The following AKAP19 variants were observed in gnomAD, a reference collection of about 807,000 sequenced individuals.
AKAP19 encodes A-kinase anchoring protein 19.
the AKAP19 span, among the ~76,000 whole-genome samples, chr2:189,900,894 G>A: frequency 6.6e-6 from 1 of 152,172 alleles, no homozygotes; most frequent in South Asian, 2.1e-4. Context: ...TGTGCTTTGT[G>A]CTGGAGAAGG....
At chr2:190,193,255 T>C in the AKAP19 span, among the ~76,000 whole-genome samples, 1 of 152,172 alleles carries the variant, frequency 6.6e-6, no homozygotes, top group African/African-American at 2.4e-5. Flanking sequence ...GAATTATATC[T>C]ATTGTCTTTG....
chr2:190,176,650 G>A, the AKAP19 span, among the ~76,000 whole-genome samples: 1 of 152,182 alleles, frequency 6.6e-6, no homozygotes, highest in African/African-American at 2.4e-5. The surrounding 1 kb of genome is among the most constrained non-coding windows in gnomAD (Gnocchi z 4.7). Flanking sequence ...ATCCGGCCAA[G>A]ACATCATTTT....
the AKAP19 span, among the ~76,000 whole-genome samples, chr2:189,954,152 G>A: frequency 0.69 from 104,707 of 152,074 alleles, 36,977 homozygotes; most frequent in East Asian, 0.86. Context: ...GAAACATTCC[G>A]CAAGTCTTTT....
chr2:190,069,171 TGTGTGAGA>T, the AKAP19 span, among the ~76,000 whole-genome samples: 12 of 129,276 alleles, frequency 9.3e-5, 1 homozygote, highest in South Asian at 6.9e-4. Flanking sequence ...TGTGTGTGTG[TGTGTGAGA>T]GAGAGAGAGA....
the AKAP19 span, among the ~76,000 whole-genome samples, chr2:190,168,313 C>G: frequency 2.0e-5 from 3 of 152,164 alleles, no homozygotes; most frequent in African/African-American, 7.2e-5. Flanking sequence ...TAGCCTGGGC[C>G]TGCCCCACAA....
At chr2:190,114,205 T>C in the AKAP19 span, among the ~76,000 whole-genome samples, 1 of 152,218 alleles carries the variant, frequency 6.6e-6, no homozygotes, top group Non-Finnish European at 1.5e-5. Flanking sequence ...TTTAGCATTT[T>C]AATTCTGGAT....
chr2:190,027,450 A>G, the AKAP19 span, among the ~76,000 whole-genome samples: 1 of 152,184 alleles, frequency 6.6e-6, no homozygotes, highest in African/African-American at 2.4e-5. Flanking sequence ...AAGTGGGAGG[A>G]ATTATTAGAA....
At chr2:189,938,041 A>T in the AKAP19 span, among the ~76,000 whole-genome samples, 1 of 152,154 alleles carries the variant, frequency 6.6e-6, no homozygotes. Context: ...GGATAAAGAA[A>T]ATGTGGTACT....
chr2:190,161,357 A>G, the AKAP19 span, among the ~76,000 whole-genome samples: 1 of 152,172 alleles, frequency 6.6e-6, no homozygotes, highest in Non-Finnish European at 1.5e-5. Context: ...TTTAAAAGGC[A>G]TTTCTTTACC....
the AKAP19 span, among the ~76,000 whole-genome samples, chr2:190,009,276 AG>A: frequency 5.3e-5 from 8 of 152,190 alleles, no homozygotes; most frequent in Non-Finnish European, 1.2e-4. Flanking sequence ...ACTTCTGTAT[AG>A]GGAATAGATT....
chr2:189,961,749 T>G, the AKAP19 span, among the ~76,000 whole-genome samples: 2 of 151,814 alleles, frequency 1.3e-5, no homozygotes, highest in Non-Finnish European at 2.9e-5. Context: ...CTGTCTCTAC[T>G]CAAAATACAA....
chr2:190,006,955 G>A, the AKAP19 span, among the ~76,000 whole-genome samples: 2 of 152,094 alleles, frequency 1.3e-5, no homozygotes, highest in African/African-American at 4.8e-5. Flanking sequence ...GTGGGGCAGA[G>A]GTTGCAGTGA....
At chr2:190,060,239 T>C in the AKAP19 span, 2 of 1,613,040 alleles carry the variant, frequency 1.2e-6, no homozygotes, top group South Asian at 2.2e-5. Context: ...GTTTCAGAGA[T>C]CGGATTCCAG....
At chr2:189,917,177 A>G in the AKAP19 span, 1 of 626,312 alleles carries the variant, frequency 1.6e-6, no homozygotes. Flanking sequence ...TTTAAAATAC[A>G]TCAATGATGC....
chr2:189,907,452 A>G, the AKAP19 span, among the ~76,000 whole-genome samples: 2 of 152,274 alleles, frequency 1.3e-5, no homozygotes, highest in East Asian at 3.9e-4. Flanking sequence ...ATCTTATCAG[A>G]AAAATCTATA....
the AKAP19 span, chr2:189,924,292 A>G: frequency 2.9e-6 from 3 of 1,043,340 alleles, no homozygotes; most frequent in South Asian, 2.6e-5. Flanking sequence ...ATTTTTCACC[A>G]GATCCTCTCC....
the AKAP19 span, chr2:190,199,747 G>A: frequency 6.6e-7 from 1 of 1,517,802 alleles, no homozygotes; most frequent in South Asian, 1.3e-5. Context: ...TTACTGAAGT[G>A]CCCTGGAGAG....
the AKAP19 span, among the ~76,000 whole-genome samples, chr2:190,143,667 C>T: frequency 6.6e-6 from 1 of 152,114 alleles, no homozygotes; most frequent in African/African-American, 2.4e-5. Flanking sequence ...CATCCCATTA[C>T]TGGGTATATA....
the AKAP19 span, among the ~76,000 whole-genome samples, chr2:190,097,215 C>T: frequency 6.6e-6 from 1 of 152,178 alleles, no homozygotes; most frequent in African/African-American, 2.4e-5. Flanking sequence ...TCCTGAGGCT[C>T]TCCCTCCCCC....
Sources: allele counts gnomAD v4.1 joint callset (sites outside exome capture counted in the v4.1 genomes callset), GRCh38; gene constraint gnomAD v4.1.1; non-coding constraint Gnocchi (gnomAD v3.1); transcripts MANE v1.5; gene names NCBI Gene and HGNC (gene_info 2026-07-23, HGNC 2026-07-21).